Variants in SLC41A3 observed in about 807,000 individuals in gnomAD.
SLC41A3 encodes the protein solute carrier family 41 member 3.
A neutral mutation model predicts 45.4 loss-of-function variants in SLC41A3; 44 were observed. The observed-to-expected ratio is 0.97, with a 90% CI of 0.76 to 1.25. The LOEUF is 1.25. SLC41A3 is among the 50% of genes most tolerant of loss of function. The probability of loss-of-function intolerance (pLI) is 0.00; values close to 1 mark genes in which losing one functional copy is unlikely to be tolerated. For synonymous variants in SLC41A3, 256 were observed against 252.4 expected (o/e 1.01, Z -0.13); for missense variants, 550 against 600.6 (o/e 0.92, Z 0.88).
intron 1 of SLC41A3, among the ~76,000 whole-genome samples, chr3:126,089,463 A>T (rs73859012): frequency 0.042 from 6,376 of 152,296 alleles, 209 homozygotes; most frequent in East Asian, 0.15. Flanking sequence ...ACTGCATTTG[A>T]CTGAGGGATG....
At chr3:126,040,564 C>T (rs1248358953) in intron 3 of SLC41A3, among the ~76,000 whole-genome samples, 3 of 152,112 alleles carry the variant, frequency 2.0e-5, no homozygotes, top group Non-Finnish European at 2.9e-5. Context: ...GGAGGGTTGA[C>T]CTTTCCCCTG....
intron 7 of SLC41A3, among the ~76,000 whole-genome samples, chr3:126,015,904 A>G (rs1394378052): frequency 2.0e-5 from 3 of 152,226 alleles, no homozygotes; most frequent in Admixed American, 6.5e-5. Context: ...GATGCTCTTT[A>G]GCAGAAAACA....
chr3:126,051,299 G>A (rs538577110), intron 2 of SLC41A3, among the ~76,000 whole-genome samples: 5 of 152,356 alleles, frequency 3.3e-5, no homozygotes, highest in East Asian at 1.9e-4. Flanking sequence ...GGAGGCCAGC[G>A]GGTGGCAGCC....
intron 8 of SLC41A3, 93 bp downstream of exon 8, chr3:126,015,401 G>T (rs1471165675): frequency 1.6e-6 from 2 of 1,282,754 alleles, no homozygotes; most frequent in Non-Finnish European, 2.2e-6. Flanking sequence ...TGCGGGGCTG[G>T]TGCTGCCCCT....
intron 1 of SLC41A3, among the ~76,000 whole-genome samples, chr3:126,097,767 G>A (rs942292648): frequency 6.6e-6 from 1 of 152,192 alleles, no homozygotes; most frequent in African/African-American, 2.4e-5. Flanking sequence ...CAGTCAAGGA[G>A]AAAGCACGGG....
Position 126,057,695 on chromosome 3 carries a change from C to G in SLC41A3, c.274-6645G>C, listed in dbSNP as rs538565941. 3.3e-5 allele frequency among the ~76,000 whole-genome samples: 5 copies of G among 152,316 alleles called. No homozygotes were observed. The East Asian group carries it at 9.6e-4, about 29-fold the overall frequency. ...GTGGATCCTACCGGCCTCCCCAAGG[C>G]TGTCCCTGCAACCGAACTCCAGACG... On this transcript the variant is annotated intron_variant, in intron 2 of 10. Coordinates refer to ENST00000360370, the MANE Select transcript of SLC41A3 (RefSeq NM_017836.4).
chr3:126,009,900 TAAC>T, intron 9 of SLC41A3, among the ~76,000 whole-genome samples: 1 of 152,286 alleles, frequency 6.6e-6, no homozygotes, highest in East Asian at 1.9e-4. Context: ...TATATACAAA[TAAC>T]AAGTTAGAAA....
At chr3:126,033,278 A>G (rs375104342) in intron 4 of SLC41A3, among the ~76,000 whole-genome samples, 1 of 144,288 alleles carries the variant, frequency 6.9e-6, no homozygotes, top group Non-Finnish European at 1.5e-5. Context: ...TGGCCTGAGA[A>G]GCACAATTAG....
At chr3:126,027,258 C>A (rs1434639301) in intron 4 of SLC41A3, among the ~76,000 whole-genome samples, 1 of 122,718 alleles carries the variant, frequency 8.1e-6, no homozygotes, top group African/African-American at 3.1e-5. Flanking sequence ...GCCACCCCCA[C>A]CCCCCACCCT....
intron 6 of SLC41A3, among the ~76,000 whole-genome samples, chr3:126,019,935 A>G (rs1306823589): frequency 1.3e-5 from 2 of 151,730 alleles, no homozygotes; most frequent in Non-Finnish European, 2.9e-5. Flanking sequence ...CGAATCCCAC[A>G]TTTCTGCTTG....
intron 1 of SLC41A3, among the ~76,000 whole-genome samples, chr3:126,080,204 A>C (rs949026123): frequency 6.6e-6 from 1 of 152,226 alleles, no homozygotes; most frequent in Non-Finnish European, 1.5e-5. Context: ...CAAAGCAAAA[A>C]TAGACAAATG....
chr3:126,075,923 G>C (rs1325645883), intron 1 of SLC41A3, among the ~76,000 whole-genome samples: 1 of 152,096 alleles, frequency 6.6e-6, no homozygotes, highest in African/African-American at 2.4e-5. Flanking sequence ...TTTGGATTAG[G>C]CAACAGTTTC....
At chr3:126,096,920 G>A (rs187705516) in intron 1 of SLC41A3, among the ~76,000 whole-genome samples, 12 of 152,150 alleles carry the variant, frequency 7.9e-5, no homozygotes, top group East Asian at 1.9e-4. Flanking sequence ...TTCCCTCCTC[G>A]GAAGAAAGAA....
chr3:126,036,623 T>C (rs867204467), intron 3 of SLC41A3, among the ~76,000 whole-genome samples: 1 of 151,838 alleles, frequency 6.6e-6, no homozygotes, highest in Admixed American at 6.6e-5. Flanking sequence ...CTCTTCTTGG[T>C]TTCCTGAATG....
chr3:126,075,297 A>G (rs954983164), intron 1 of SLC41A3, among the ~76,000 whole-genome samples: 1 of 152,240 alleles, frequency 6.6e-6, no homozygotes, highest in African/African-American at 2.4e-5. Context: ...AATAAATAAA[A>G]CAATTGCATT....
chr3:126,058,281 G>A (rs1245702863), intron 2 of SLC41A3: 2 of 152,244 alleles, frequency 1.3e-5, no homozygotes, highest in Admixed American at 6.5e-5. Flanking sequence ...TGCATTTGGG[G>A]AATCTCTTCC....
chr3:126,072,377 A>T (rs1024466028), intron 1 of SLC41A3, among the ~76,000 whole-genome samples: 4 of 151,760 alleles, frequency 2.6e-5, no homozygotes, highest in Non-Finnish European at 5.9e-5. Flanking sequence ...AAAAATAAAA[A>T]AAAAAAAAGG....
chr3:126,034,475 A>G (rs903603747), intron 3 of SLC41A3, among the ~76,000 whole-genome samples: 1 of 152,192 alleles, frequency 6.6e-6, no homozygotes, highest in Non-Finnish European at 1.5e-5. Flanking sequence ...TTGATAATTC[A>G]TTTTCTTTTC....
Position 126,022,668 on chromosome 3 carries a change from C to T in SLC41A3, c.745+118G>A, listed in dbSNP as rs1447777851. ...TCCAACACATGAAATGTGGGGGACA[C>T]ATTCAAACAACAGCACATGGGCTGG... On this transcript the variant is annotated intron_variant, in intron 6 of 10. Transcript: ENST00000360370. 6.2e-6 allele frequency: 8 copies of T among 1,283,076 alleles called. No individual in the cohort carries two copies. The East Asian group carries it at 1.2e-4, about 19-fold the overall frequency. 79.5% of individuals were successfully genotyped at this position (1,283,076 alleles called of 1,614,324 possible). A position where few individuals can be genotyped will look rare whatever the true frequency, so the allele number is the denominator to read the frequency against.
Sources: allele counts gnomAD v4.1 joint callset (sites outside exome capture counted in the v4.1 genomes callset), GRCh38; gene constraint gnomAD v4.1.1; transcripts MANE v1.5; gene names NCBI Gene and HGNC (gene_info 2026-07-23, HGNC 2026-07-21).